ZDHHC19: variants seen among roughly 807,000 people sequenced by gnomAD.
The protein encoded by ZDHHC19 is palmitoyltransferase ZDHHC19.
A neutral mutation model predicts 33.9 loss-of-function variants in ZDHHC19; 30 were observed. The observed-to-expected ratio is 0.88, with a 90% CI of 0.66 to 1.20. The LOEUF is 1.20. Ranked by LOEUF, ZDHHC19 falls within the 50% of genes most tolerant of loss-of-function variation. The probability of loss-of-function intolerance (pLI) is 0.00; values close to 1 mark genes in which losing one functional copy is unlikely to be tolerated. For synonymous variants in ZDHHC19, 178 were observed against 167.6 expected, an observed-to-expected ratio of 1.06 and a Z score of -0.48; for missense variants, 364 against 401.1, an observed-to-expected ratio of 0.91 and a Z score of 0.79.
intron 2 of ZDHHC19, among the ~76,000 whole-genome samples, chr3:196,210,089 G>C (rs1183341051): frequency 6.6e-6 from 1 of 152,086 alleles, no homozygotes; most frequent in Admixed American, 6.6e-5. Flanking sequence ...TACTTGGGAG[G>C]CTGAGGCAGA....
intron 5 of ZDHHC19, among the ~76,000 whole-genome samples, chr3:196,206,686 T>C (rs1480674805): frequency 4.1e-4 from 59 of 143,636 alleles, no homozygotes; most frequent in South Asian, 8.8e-4. Context: ...TTTCTTTTTT[T>C]TTTTTTTTTT....
chr3:196,209,303 C>T, intron 3 of ZDHHC19, 73 bp downstream of exon 3: 7 of 1,515,130 alleles, frequency 4.6e-6, no homozygotes, highest in South Asian at 1.3e-5. Flanking sequence ...AGCCCTGGCC[C>T]CTGTATGAGG....
chr3:196,199,322 G>T (rs762786318), intron 5 of ZDHHC19: 50 of 179,190 alleles, frequency 2.8e-4, no homozygotes, highest in Non-Finnish European at 5.2e-4. Context: ...CTCCCTCTCC[G>T]CCACAGGGCA....
At chr3:196,209,155 C>G (rs1263507560) in intron 3 of ZDHHC19, 4 of 609,970 alleles carry the variant, frequency 6.6e-6, no homozygotes, top group Non-Finnish European at 1.1e-5. Context: ...TGCGGATGCC[C>G]TGTGCATGTC....
chr3:196,200,435 A>G (rs1416260733), intron 5 of ZDHHC19, among the ~76,000 whole-genome samples: 1 of 148,338 alleles, frequency 6.7e-6, no homozygotes, highest in African/African-American at 2.5e-5. Flanking sequence ...GCTCACTGCA[A>G]GCTCCGCCTC....
intron 2 of ZDHHC19, among the ~76,000 whole-genome samples, 190 bp from the exon 3 acceptor site, chr3:196,209,705 G>C (rs4916504): frequency 0.58 from 87,809 of 152,086 alleles, 25,530 homozygotes; most frequent in African/African-American, 0.63. Context: ...TTCCAGCCAG[G>C]AGAGTTTTGT....
Position 196,200,125 on chromosome 3 carries a change from A to C in ZDHHC19, c.688-1251T>G, listed in dbSNP as rs541223709. On this transcript the variant is annotated intron_variant, in intron 5 of 7. Transcript: ENST00000296326. ...AGACTTTCATCTCTAAAAAAATAAA[A>C]ATAGGTGGCTGTGGCATTGTGCACC... 9.3e-5 allele frequency among the ~76,000 whole-genome samples: 14 copies of C among 150,962 alleles called. 1 individual carries two copies. The highest frequency in any genetic ancestry group is 1.8e-4 in the Non-Finnish European group (12 of 67,856).
At chr3:196,209,043 C>T (rs191741591) in intron 3 of ZDHHC19, 2 of 321,578 alleles carry the variant, frequency 6.2e-6, no homozygotes, top group East Asian at 1.2e-4. Flanking sequence ...CCAGACCAGG[C>T]GGGCAGCCAG....
Position 196,198,347 on chromosome 3 carries a change from G to A in ZDHHC19, c.878C>T (p.Ala293Val), listed in dbSNP as rs780219119. The A allele has an allele frequency of 2.6e-6, 4 of 1,520,616 alleles. No individual in the cohort carries two copies. Among genetic ancestry groups the A allele is most frequent in the Non-Finnish European group, 3.5e-6 (4 of 1,134,686 alleles). 94.2% of individuals were successfully genotyped at this position (1,520,616 alleles called of 1,614,324 possible). ...GCTTTGTAGGGACCCAGAGGTTGGGGCTGGGGGGTTGAGAGCAGAGGGGGA... is the reference window on the plus strand; with the variant it reads ...GCTTTGTAGGGACCCAGAGGTTGGGACTGGGGGGTTGAGAGCAGAGGGGGA... Reference protein sequence around the residue: ...PMSPSALNPPAPTSGSLQSRE... With the variant: ...PMSPSALNPPVPTSGSLQSRE... The change falls in exon 7 of 8, where the codon GCC becomes GTC. Residue 293 changes from alanine to valine, a missense_variant. Ala to Val is a moderately conservative substitution (Grantham distance 64). Transcript: ENST00000296326.
chr3:196,210,946 G>T (rs1723252849), intron 1 of ZDHHC19, among the ~76,000 whole-genome samples: 1 of 151,804 alleles, frequency 6.6e-6, no homozygotes, highest in African/African-American at 2.4e-5. Context: ...AGGCACCCTT[G>T]ACCTCTGCGC....
At chr3:196,199,898 T>TAG (rs1441303150) in intron 5 of ZDHHC19, among the ~76,000 whole-genome samples, 4 of 151,842 alleles carry the variant, frequency 2.6e-5, no homozygotes, top group African/African-American at 9.7e-5. Flanking sequence ...TGAGCCGAGA[T>TAG]CATGCCACTG....
intron 5 of ZDHHC19, among the ~76,000 whole-genome samples, chr3:196,201,458 C>T (rs1722344125): frequency 6.6e-6 from 1 of 151,744 alleles, no homozygotes; most frequent in South Asian, 2.1e-4. Flanking sequence ...CACCGTGGCT[C>T]ACACCTGTAA....
chr3:196,201,702 C>T (rs950945435), intron 5 of ZDHHC19, among the ~76,000 whole-genome samples: 2 of 152,114 alleles, frequency 1.3e-5, no homozygotes, highest in South Asian at 4.2e-4. Context: ...GCCTGGACGA[C>T]AGAGTGAGAC....
At chr3:196,209,831 C>T (rs4916506) in intron 2 of ZDHHC19, among the ~76,000 whole-genome samples, 87,612 of 152,102 alleles carry the variant, frequency 0.58, 25,425 homozygotes, top group African/African-American at 0.63. Flanking sequence ...CTGGCCTGCC[C>T]GGTCCTCCCA....
rs1453708976 is a variant in ZDHHC19, at chr3:196,197,905, T to A, written c.*20-180A>T. On this transcript the variant is annotated intron_variant, in intron 7 of 7. Coordinates refer to ENST00000296326, the MANE Select transcript of ZDHHC19 (RefSeq NM_001039617.2). This position sits in a 1 kb window ranked among gnomAD's most constrained non-coding sequence, Gnocchi z 4.4. ...CCTCCTGATGCTCCACCTCCATGTC[T>A]CACGGGGCTTCGAGTCAATGTTTCC... Among the ~76,000 whole-genome samples the A allele has an allele frequency of 6.6e-6, 1 of 152,022 alleles. No individual in the cohort carries two copies. The highest frequency in any genetic ancestry group is 1.5e-5 in the Non-Finnish European group (1 of 67,990).
chr3:196,204,845 G>A (rs761263056), intron 5 of ZDHHC19, among the ~76,000 whole-genome samples: 8 of 152,166 alleles, frequency 5.3e-5, no homozygotes, highest in African/African-American at 1.7e-4. Context: ...AGTGGCTCAC[G>A]CCTATAATCC....
intron 2 of ZDHHC19, 143 bp downstream of exon 2, chr3:196,210,473 G>C: frequency 1.1e-6 from 1 of 906,532 alleles, no homozygotes; most frequent in Middle Eastern, 2.9e-4. Flanking sequence ...GAAAGAGTGA[G>C]CGAGGGCCAG....
In ZDHHC19 at chr3:196,209,455, C is replaced by G; in HGVS notation, c.329G>C (p.Arg110Pro). Residue 110 changes from arginine (R) to proline (P), a missense_variant, in exon 3 of 8, where the codon CGC (arginine) becomes CCC (proline). By Grantham distance (103) the Arg-to-Pro change is moderately radical. Transcript: ENST00000296326. Reference sequence around the variant, plus strand: ...GCAGCACTTTGGACACCATTGCAGGCGGAAGGCCCCGTGGTTCACCCACAC... The same window carrying G: ...GCAGCACTTTGGACACCATTGCAGGGGGAAGGCCCCGTGGTTCACCCACAC... The part of the protein sequence containing the change: ...HVVWVNHGAF[R>P]LQWCPKCCFH... 1 of 1,611,852 alleles carries G rather than the reference C, an allele frequency of 6.2e-7. No homozygotes were observed. The highest frequency in any genetic ancestry group is 8.5e-7 in the Non-Finnish European group (1 of 1,179,308).
rs1377849992 is a variant in ZDHHC19 at position 196,198,845 on chromosome 3, G to A, written c.717C>T (p.Phe239=). The A allele has an allele frequency of 6.8e-6, 11 of 1,613,978 alleles. No homozygotes were observed. The highest frequency in any genetic ancestry group is 3.3e-5 in the South Asian group (3 of 91,058). ...ACCAGTTGCTGGCACAGCCCTGGTC[G>A]AAGGGGTTGTATCCCTGAAGGTGTC... The part of the protein sequence containing the change: ...KCRHLQGYNP[F]DQGCASNWYL... The change falls in exon 6 of 8, where the codon TTC becomes TTT. Residue 239 remains phenylalanine, a synonymous_variant. Transcript: ENST00000296326.
Sources: gnomAD v4.1 joint callset for allele counts (sites outside exome capture counted in the v4.1 genomes callset) on GRCh38, gnomAD v4.1.1 for gene constraint, Gnocchi (gnomAD v3.1) non-coding constraint, MANE v1.5 for transcripts, NCBI Gene and HGNC (gene_info 2026-07-23, HGNC 2026-07-21) for gene names.